CD81: variants seen among roughly 807,000 people sequenced by gnomAD.
CD81 encodes the protein CD81 molecule.
In CD81, 10 loss-of-function variants were observed where a neutral mutation model predicts 30.1. The observed-to-expected ratio is 0.33, with a 90% CI of 0.21 to 0.56. The LOEUF (loss-of-function observed/expected upper bound fraction) is 0.56, where lower values mean the gene tolerates loss of function less well. Among genes scored for constraint, CD81 ranks in the 20% least tolerant of loss-of-function variants. The pLI is 0.89. For synonymous variants in CD81, 147 were observed against 126.4 expected (o/e 1.16, Z -1.10); for missense variants, 263 against 308.7 (o/e 0.85, Z 1.11).
chr11:2,389,969 C>T (rs1321198038), intron 1 of CD81: 1 of 330,026 alleles, frequency 3.0e-6, no homozygotes, highest in Admixed American at 4.1e-5. Context: ...ATGCTCAGGT[C>T]CTGGTATCAC....
In CD81 at chr11:2,396,943, G is replaced by A. The variant is rs35800690; in HGVS notation, c.*77G>A. On this transcript the variant is annotated 3_prime_UTR_variant, in exon 8 of 8. Coordinates refer to ENST00000263645, the MANE Select transcript of CD81 (RefSeq NM_004356.4). ...GGACACTTCCGAGGGGGCCATCACCGCCTGTGTATATAACGTTTCCGGTAT... is the reference window on the plus strand; with the variant it reads ...GGACACTTCCGAGGGGGCCATCACCACCTGTGTATATAACGTTTCCGGTAT... 6.1e-5 allele frequency: 82 copies of A among 1,336,206 alleles called. No individual in the cohort carries two copies. The highest frequency in any genetic ancestry group is 1.5e-4 in the Admixed American group (9 of 58,306). The allele number at this position is 1,336,206 out of a possible 1,614,324, so 82.8% of individuals were successfully genotyped here. A position where few individuals can be genotyped will look rare whatever the true frequency, so the allele number is the denominator to read the frequency against.
At chr11:2,388,321 C>G (rs553577300) in intron 1 of CD81, among the ~76,000 whole-genome samples, 1 of 147,776 alleles carries the variant, frequency 6.8e-6, no homozygotes, top group South Asian at 2.1e-4. Flanking sequence ...TCCACCCACC[C>G]GAACCCTCAC....
Position 2,397,178 on chromosome 11 carries a change from C to T in CD81, c.*312C>T, listed in dbSNP as rs1850028742. 2.2e-6 allele frequency: 1 copy of T among 456,892 alleles called. No individual in the cohort carries two copies. Among genetic ancestry groups the T allele is most frequent in the Non-Finnish European group, 4.0e-6 (1 of 247,582 alleles). 28.3% of individuals were successfully genotyped at this position (456,892 alleles called of 1,614,324 possible). A position where few individuals can be genotyped will look rare whatever the true frequency, so the allele number is the denominator to read the frequency against. On this transcript the variant is annotated 3_prime_UTR_variant, in exon 8 of 8. Transcript: ENST00000263645. ...CAGGCCTCTCCTGGGAGCCACTCGC[C>T]CAGAGACTCAGCTTGGCCAACTTGG...
intron 1 of CD81, among the ~76,000 whole-genome samples, chr11:2,379,711 G>T (rs1304127263): frequency 6.6e-6 from 1 of 152,022 alleles, no homozygotes; most frequent in Admixed American, 6.5e-5. Flanking sequence ...AAGGGTGCTT[G>T]TTATTAAGGC....
chr11:2,388,761 G>C (rs1157431275), intron 1 of CD81, among the ~76,000 whole-genome samples: 1 of 152,146 alleles, frequency 6.6e-6, no homozygotes, highest in African/African-American at 2.4e-5. Flanking sequence ...TCACCTGGCT[G>C]ATTTCATCTC....
At chr11:2,383,961 G>C (rs1330065955) in intron 1 of CD81, among the ~76,000 whole-genome samples, 9 of 152,198 alleles carry the variant, frequency 5.9e-5, no homozygotes. Context: ...GCCTGCGGGG[G>C]CAGCGAGCAG....
At position 2,378,884 on chromosome 11, in the gene CD81, C is replaced by T. The variant is rs1342979326; in HGVS notation, c.66+1269C>T. On this transcript the variant is annotated intron_variant, in intron 1 of 7. Transcript: ENST00000263645. The surrounding 1 kb of genome is among the most constrained non-coding windows in gnomAD (Gnocchi z 4.9). The stretch of plus-strand genomic sequence containing the variant: ...ATCTGGACGGCTGAGGATCCCAGTG[C>T]GGATGATTATTTGGAGGGGGAAGGA... Among the ~76,000 whole-genome samples, 1 of 152,204 alleles carries T rather than the reference C, an allele frequency of 6.6e-6. No individual in the cohort carries two copies. Among genetic ancestry groups the T allele is most frequent in the African/African-American group, 2.4e-5 (1 of 41,450 alleles).
intron 1 of CD81, among the ~76,000 whole-genome samples, chr11:2,383,406 G>C (rs920120507): frequency 2.0e-5 from 3 of 152,154 alleles, no homozygotes; most frequent in Non-Finnish European, 2.9e-5. Context: ...TGGCCTGCAG[G>C]GACCCAGGCT....
chr11:2,395,688 C>G, intron 5 of CD81, 168 bp downstream of exon 5: 3 of 737,776 alleles, frequency 4.1e-6, no homozygotes, highest in Non-Finnish European at 7.1e-6. Flanking sequence ...CCTAGTGGGC[C>G]AGGGTGGCCC....
chr11:2,396,002 C>T lies in CD81; in HGVS notation c.561+32C>T, dbSNP rs765678671. ...GAGGCCGGTGGGGCCGCGCCTGACC[C>T]CCCGCATGTCCCGCCCCTGGGTGGG... is the stretch of plus-strand genomic sequence containing the variant. On this transcript the variant is annotated intron_variant, in intron 6 of 7. Coordinates refer to ENST00000263645, the MANE Select transcript of CD81 (RefSeq NM_004356.4). 2.1e-6 allele frequency: 3 copies of T among 1,426,330 alleles called. No individual in the cohort carries two copies. In the South Asian group the frequency reaches 3.4e-5, roughly 16 times the overall value. The allele number at this position is 1,426,330 out of a possible 1,614,324, so 88.4% of individuals were successfully genotyped here. A position where few individuals can be genotyped will look rare whatever the true frequency, so the allele number is the denominator to read the frequency against.
rs1589848691 is a variant in CD81 at position 2,386,371 on chromosome 11, A to T, written c.67-4041A>T. The T allele has an allele frequency of 3.5e-5, 22 of 620,808 alleles. 1 individual carries two copies. In the East Asian group the frequency reaches 6.0e-4, roughly 17 times the overall value. 38.5% of individuals were successfully genotyped at this position (620,808 alleles called of 1,614,324 possible). On this transcript the variant is annotated intron_variant, in intron 1 of 7. Coordinates refer to ENST00000263645, the MANE Select transcript of CD81 (RefSeq NM_004356.4). ...TCTTTCGCATTCCTGACTCTGGGGA[A>T]CCTCTAGCCCTGCCACATGGGGTTT...
intron 1 of CD81, among the ~76,000 whole-genome samples, chr11:2,388,732 G>GC (rs58035575): frequency 0.02 from 2,996 of 151,970 alleles, 82 homozygotes; most frequent in African/African-American, 0.062. Context: ...TGCCCTCGTG[G>GC]CCCCCCCCGG....
intron 2 of CD81, 55 bp from the exon 3 acceptor site, chr11:2,394,040 G>T: frequency 7.2e-7 from 1 of 1,389,526 alleles, no homozygotes; most frequent in Non-Finnish European, 1.0e-6. Context: ...ACCCTCCGGG[G>T]TCTTGGGCTG....
intron 1 of CD81, chr11:2,386,540 A>G (rs1001406194): frequency 5.6e-6 from 4 of 716,944 alleles, no homozygotes; most frequent in Non-Finnish European, 1.0e-5. Context: ...CATCACCACC[A>G]TTGTTGTCAC....
At chr11:2,386,460 G>A in intron 1 of CD81, 1 of 691,208 alleles carries the variant, frequency 1.4e-6, no homozygotes. Context: ...TGCTGCCATT[G>A]CCCTCCCTCG....
chr11:2,383,756 G>A (rs970554276), intron 1 of CD81, among the ~76,000 whole-genome samples: 7 of 152,374 alleles, frequency 4.6e-5, no homozygotes, highest in East Asian at 1.9e-4. Flanking sequence ...ACGTAAAGGC[G>A]GGTGAGCTGA....
intron 1 of CD81, among the ~76,000 whole-genome samples, chr11:2,388,397 A>T (rs896340791): frequency 2.0e-5 from 3 of 152,120 alleles, no homozygotes; most frequent in Admixed American, 6.5e-5. Context: ...GGTGCAGGCC[A>T]TGGTGCTGGG....
At chr11:2,385,634 C>CGTCTGTGTGGCATGCCT (rs1849782958) in intron 1 of CD81, 1 of 36,718 alleles carries the variant, frequency 2.7e-5, no homozygotes, top group African/African-American at 1.6e-4. Flanking sequence ...GCGTGCCCGT[C>CGTCTGTGTGGCATGCCT]GTCTGTGCAC....
At chr11:2,386,599 C>T (rs1432973084) in intron 1 of CD81, 1 of 717,150 alleles carries the variant, frequency 1.4e-6, no homozygotes, top group Non-Finnish European at 2.6e-6. Flanking sequence ...CTTGGCATGG[C>T]CCCGTTTGTC....
Sources: gnomAD v4.1 joint callset for allele counts (sites outside exome capture counted in the v4.1 genomes callset) on GRCh38, gnomAD v4.1.1 for gene constraint, Gnocchi (gnomAD v3.1) non-coding constraint, MANE v1.5 for transcripts, NCBI Gene and HGNC (gene_info 2026-07-23, HGNC 2026-07-21) for gene names.